Variants in CDK6 observed in about 807,000 individuals in gnomAD.
The protein encoded by CDK6 is cyclin-dependent kinase 6.
Under a neutral mutation model 37.1 loss-of-function variants are expected in CDK6, and 6 were observed. The observed-to-expected ratio is 0.16, with a 90% confidence interval of 0.09 to 0.32. CDK6 has a LOEUF of 0.32. Ranked by LOEUF, CDK6 falls within the 10% of genes least tolerant of loss-of-function variation. CDK6 has a pLI of 1.00. For missense variants in CDK6, 224 were observed against 418.9 expected (o/e 0.53, Z 4.06); for synonymous variants, 160 against 161.3 (o/e 0.99, Z 0.06).
At chr7:92,756,482 C>T (rs138475536) in intron 3 of CDK6, among the ~76,000 whole-genome samples, 49 of 152,252 alleles carry the variant, frequency 3.2e-4, no homozygotes, top group African/African-American at 1.1e-3. Context: ...ATCGGCTTTA[C>T]CCAGTTTCTG....
At chr7:92,770,179 A>G (rs976064822) in intron 3 of CDK6, among the ~76,000 whole-genome samples, 1 of 152,210 alleles carries the variant, frequency 6.6e-6, no homozygotes, top group African/African-American at 2.4e-5. Flanking sequence ...TGTTGACTTC[A>G]CAGGACAGCA....
At chr7:92,624,837 TCC>T (rs565245456) in intron 5 of CDK6, among the ~76,000 whole-genome samples, 1 of 152,092 alleles carries the variant, frequency 6.6e-6, no homozygotes, top group Non-Finnish European at 1.5e-5. Context: ...TCACAAAAAT[TCC>T]AGGAGAAATG....
chr7:92,676,192 C>A (rs1314628381), intron 4 of CDK6, among the ~76,000 whole-genome samples: 1 of 151,764 alleles, frequency 6.6e-6, no homozygotes, highest in African/African-American at 2.4e-5. Flanking sequence ...ATGCTAACTA[C>A]ATATTTGTAG....
At chr7:92,819,445 T>C (rs1241901209) in intron 2 of CDK6, among the ~76,000 whole-genome samples, 6 of 152,212 alleles carry the variant, frequency 3.9e-5, no homozygotes, top group South Asian at 2.1e-4. Flanking sequence ...TAGATATTGA[T>C]TGTGGTGGTG....
At chr7:92,772,081 T>C (rs1562960981) in intron 3 of CDK6, among the ~76,000 whole-genome samples, 1 of 152,222 alleles carries the variant, frequency 6.6e-6, no homozygotes, top group Non-Finnish European at 1.5e-5. Flanking sequence ...ATGGTTTTAT[T>C]ATGCTTTTAA....
At chr7:92,672,146 TATATATATATATATACACATAC>T (rs1241723150) in intron 4 of CDK6, among the ~76,000 whole-genome samples, 1 of 112,808 alleles carries the variant, frequency 8.9e-6, no homozygotes, top group Non-Finnish European at 1.7e-5. Context: ...TATATATATA[TATATATATATATATACACATAC>T]ACACACACAC....
At chr7:92,774,961 ATATG>A in intron 2 of CDK6, 130 bp from the exon 3 acceptor site, 1 of 747,898 alleles carries the variant, frequency 1.3e-6, no homozygotes, top group East Asian at 3.0e-5. Flanking sequence ...TCTTGTGATC[ATATG>A]TAAAGATATC....
At chr7:92,646,627 A>G (rs182014325) in intron 5 of CDK6, among the ~76,000 whole-genome samples, 2 of 151,558 alleles carry the variant, frequency 1.3e-5, no homozygotes, top group African/African-American at 4.8e-5. Context: ...TAAACTCCCA[A>G]TTTCAGGTAA....
chr7:92,751,478 T>A (rs906415890), intron 3 of CDK6, among the ~76,000 whole-genome samples: 1 of 152,136 alleles, frequency 6.6e-6, no homozygotes, highest in Non-Finnish European at 1.5e-5. Flanking sequence ...CTGGAGACTA[T>A]CCTAATTCAA....
chr7:92,812,357 T>C (rs1471569554), intron 2 of CDK6, among the ~76,000 whole-genome samples: 1 of 152,076 alleles, frequency 6.6e-6, no homozygotes, highest in Non-Finnish European at 1.5e-5. Context: ...CAATAAGTAA[T>C]AGTGTTTGTT....
rs763039080 is a variant in CDK6 at position 92,798,140 on chromosome 7, A to G, written c.234-23309T>C. Among the ~76,000 whole-genome samples, 81 of 152,198 alleles carry G rather than the reference A, an allele frequency of 5.3e-4. 1 individual carries two copies. The highest frequency in any genetic ancestry group is 9.1e-4 in the Non-Finnish European group (62 of 68,022). On this transcript the variant is annotated intron_variant, in intron 2 of 7. Transcript: ENST00000424848. ...CCTGGCTTTAGCCATACAAAGCCCA[A>G]ATTTGTCCAATTCATCTGATGTAAG...
chr7:92,644,551 T>C (rs941931368), intron 5 of CDK6, among the ~76,000 whole-genome samples: 6 of 152,288 alleles, frequency 3.9e-5, no homozygotes, highest in Middle Eastern at 3.4e-3. Context: ...GTGACTAACC[T>C]AGTCTCATAG....
intron 2 of CDK6, among the ~76,000 whole-genome samples, chr7:92,805,666 G>A (rs568100404): frequency 1.1e-4 from 16 of 152,164 alleles, no homozygotes; most frequent in South Asian, 2.1e-4. Context: ...GTAAAACTTC[G>A]AAACGATTTA....
intron 3 of CDK6, among the ~76,000 whole-genome samples, chr7:92,728,605 T>C (rs74501225): frequency 1.3e-5 from 2 of 152,278 alleles, no homozygotes; most frequent in East Asian, 3.9e-4. Flanking sequence ...AAAGGTAGAG[T>C]AGATTAAAAG....
intron 3 of CDK6, among the ~76,000 whole-genome samples, chr7:92,759,697 C>CAAAAAAAAAA (rs61188860): frequency 8.1e-5 from 6 of 74,112 alleles, no homozygotes; most frequent in South Asian, 5.4e-4. Flanking sequence ...GACTTTAAGG[C>CAAAAAAAAAA]AAAAAAAAAA....
chr7:92,651,650 T>G (rs1010239673), intron 5 of CDK6, among the ~76,000 whole-genome samples: 1 of 152,150 alleles, frequency 6.6e-6, no homozygotes, highest in Non-Finnish European at 1.5e-5. Context: ...AAGAAACCAC[T>G]GCCAGAAACA....
At chr7:92,678,171 T>C (rs147653908) in intron 4 of CDK6, among the ~76,000 whole-genome samples, 54 of 152,298 alleles carry the variant, frequency 3.5e-4, no homozygotes, top group African/African-American at 1.0e-3. Context: ...AAAGAAAATA[T>C]AATGGTAAAT....
intron 4 of CDK6, among the ~76,000 whole-genome samples, chr7:92,712,500 T>C (rs1485971226): frequency 6.6e-6 from 1 of 152,152 alleles, no homozygotes; most frequent in Non-Finnish European, 1.5e-5. Flanking sequence ...GATAAGCTGA[T>C]GGAAAATACA....
chr7:92,632,931 ATCTTT>A (rs1796086177), intron 5 of CDK6, among the ~76,000 whole-genome samples: 1 of 137,064 alleles, frequency 7.3e-6, no homozygotes, highest in African/African-American at 2.7e-5. Flanking sequence ...ATCTCTAAAG[ATCTTT>A]TTTTTTTTTT....
Sources: gnomAD v4.1 joint callset for allele counts (sites outside exome capture counted in the v4.1 genomes callset) on GRCh38, gnomAD v4.1.1 for gene constraint, MANE v1.5 for transcripts, NCBI Gene and HGNC (gene_info 2026-07-23, HGNC 2026-07-21) for gene names.